The following PLA2G7 variants were observed in gnomAD, a reference collection of about 807,000 sequenced individuals.
PLA2G7 encodes phospholipase A2 group VII, also known as platelet-activating factor acetylhydrolase.
A neutral mutation model predicts 49.6 loss-of-function variants in PLA2G7; 63 were observed. The observed-to-expected ratio is 1.27, with a 90% CI of 1.04 to 1.57. The LOEUF is 1.57. PLA2G7 is among the 40% of genes most tolerant of loss of function. The pLI is 0.00. For synonymous variants in PLA2G7, 193 were observed against 169.9 expected, an observed-to-expected ratio of 1.14 and a Z score of -1.06; for missense variants, 596 against 521.2, an observed-to-expected ratio of 1.14 and a Z score of -1.40.
chr6:46,728,261 A>G (rs375358323), intron 1 of PLA2G7, among the ~76,000 whole-genome samples: 1 of 152,298 alleles, frequency 6.6e-6, no homozygotes, highest in East Asian at 1.9e-4. Context: ...TTTGCCCCCC[A>G]AGAAGACACT....
At chr6:46,733,042 A>T (rs2150716590) in intron 1 of PLA2G7, among the ~76,000 whole-genome samples, 1 of 152,340 alleles carries the variant, frequency 6.6e-6, no homozygotes, top group East Asian at 1.9e-4. Flanking sequence ...CCTTTCCAGG[A>T]AATAGCCATC....
rs140695465 is a variant in PLA2G7 at position 46,710,654 on chromosome 6, C to T, written c.668G>A (p.Arg223Gln). The T allele has an allele frequency of 4.2e-5, 68 of 1,600,440 alleles. No individual in the cohort carries two copies. The highest frequency in any genetic ancestry group is 4.2e-4 in the African/African-American group (31 of 74,594). The change falls in exon 8 of 12, where the codon CGG (arginine) becomes CAG (glutamine). Residue 223 changes from arginine to glutamine, a missense_variant. Transcript: ENST00000274793. ...EETHIRNEQVRQRAKECSQAL... is the reference protein window; with the variant it reads ...EETHIRNEQVQQRAKECSQAL... ...TTGGGAACATTCTTTTGCTCTTTGC[C>T]GTACCTAATATAATTATTAGAAGAA...
intron 10 of PLA2G7, among the ~76,000 whole-genome samples, 198 bp downstream of exon 10, chr6:46,707,793 T>G (rs1283865392): frequency 6.6e-6 from 1 of 152,176 alleles, no homozygotes; most frequent in Non-Finnish European, 1.5e-5. Flanking sequence ...CCAGTATATA[T>G]ACTATATACG....
intron 10 of PLA2G7, among the ~76,000 whole-genome samples, chr6:46,705,630 G>T (rs192040466): frequency 2.0e-5 from 3 of 152,130 alleles, no homozygotes; most frequent in Non-Finnish European, 2.9e-5. Context: ...TGTATTGAAG[G>T]GTCCCTGAAC....
intron 5 of PLA2G7, among the ~76,000 whole-genome samples, chr6:46,713,969 A>G (rs576959400): frequency 1.3e-4 from 20 of 152,198 alleles, no homozygotes; most frequent in Non-Finnish European, 2.4e-4. Context: ...TATTTCTTAG[A>G]ACCATGCTTC....
intron 1 of PLA2G7, among the ~76,000 whole-genome samples, chr6:46,731,608 A>G (rs1582591407): frequency 6.6e-6 from 1 of 152,192 alleles, no homozygotes; most frequent in South Asian, 2.1e-4. Flanking sequence ...CTCCGAACAG[A>G]GAAAGATACT....
Position 46,708,138 on chromosome 6 carries a change from C to T in PLA2G7, c.893G>A (p.Trp298Ter). 5 of 1,612,674 alleles carry T rather than the reference C, an allele frequency of 3.1e-6. No homozygotes were observed. Among genetic ancestry groups the T allele is most frequent in the Non-Finnish European group, 4.2e-6 (5 of 1,178,838 alleles). The change falls in exon 10 of 12, where the codon TGG becomes TAG. Residue 298 changes from tryptophan (W) to a stop codon, truncating the protein, a stop_gained. Coordinates refer to ENST00000274793, the MANE Select transcript of PLA2G7 (RefSeq NM_005084.4). LOFTEE classifies it high-confidence loss of function. Reference protein sequence around the residue: ...RFRCGIALDAWMFPLGDEVYS... With the variant: ...RFRCGIALDA ...TACTTCATCACCCAGTGGAAACATC[C>T]ATGCATCCAGGGCAATACCACATCT...
chr6:46,705,358 T>C, intron 10 of PLA2G7, 57 bp from the exon 11 acceptor site: 1 of 1,417,380 alleles, frequency 7.1e-7, no homozygotes, highest in Non-Finnish European at 9.9e-7. Flanking sequence ...ATTATTTTTT[T>C]AGTTAGAGTG....
At position 46,729,359 on chromosome 6, in the gene PLA2G7, T is replaced by C. The variant is rs182206498; in HGVS notation, c.-35+5821A>G. On this transcript the variant is annotated intron_variant, in intron 1 of 11. Coordinates refer to ENST00000274793, the MANE Select transcript of PLA2G7 (RefSeq NM_005084.4). Reference sequence around the variant, plus strand: ...TCCCTAAAACATCCAAATGCACTAGTGCCCATCCCATAGGCAAGATTAGAA... The same window carrying C: ...TCCCTAAAACATCCAAATGCACTAGCGCCCATCCCATAGGCAAGATTAGAA... Among the ~76,000 whole-genome samples the C allele has an allele frequency of 3.3e-5, 5 of 152,294 alleles. No homozygotes were observed. The East Asian group carries it at 9.7e-4, about 29-fold the overall frequency.
intron 1 of PLA2G7, among the ~76,000 whole-genome samples, chr6:46,730,194 T>TGAAG (rs886339159): frequency 2.0e-5 from 3 of 152,144 alleles, no homozygotes. Flanking sequence ...GAGGAGCTGT[T>TGAAG]GAAGGAATGA....
chr6:46,721,148 C>A (rs1409301075), intron 2 of PLA2G7, among the ~76,000 whole-genome samples: 4 of 152,152 alleles, frequency 2.6e-5, no homozygotes, highest in African/African-American at 9.7e-5. Context: ...TCAAGCAATT[C>A]TCCTGCCTCA....
intron 2 of PLA2G7, among the ~76,000 whole-genome samples, chr6:46,717,555 C>T (rs1358385864): frequency 1.3e-5 from 2 of 151,910 alleles, no homozygotes; most frequent in African/African-American, 4.8e-5. Flanking sequence ...CATCTTTCAA[C>T]TCTCCCTTCT....
At chr6:46,717,137 C>A in intron 2 of PLA2G7, 41 bp from the exon 3 acceptor site, 2 of 1,571,664 alleles carry the variant, frequency 1.3e-6, no homozygotes, top group Non-Finnish European at 1.8e-6. Flanking sequence ...TCATCCATTA[C>A]ATATCAGATT....
intron 2 of PLA2G7, among the ~76,000 whole-genome samples, chr6:46,718,296 T>G (rs1313299110): frequency 6.6e-6 from 1 of 152,226 alleles, no homozygotes; most frequent in African/African-American, 2.4e-5. Flanking sequence ...AGGAATGTAT[T>G]GTAATCTTTT....
At chr6:46,733,161 G>T (rs1765787195) in intron 1 of PLA2G7, among the ~76,000 whole-genome samples, 2 of 152,188 alleles carry the variant, frequency 1.3e-5, no homozygotes, top group Admixed American at 1.3e-4. Context: ...TTAATGTTCT[G>T]TGCTGACAGA....
At chr6:46,705,002 T>G (rs2150689341) in intron 11 of PLA2G7, 151 bp downstream of exon 11, 2 of 665,916 alleles carry the variant, frequency 3.0e-6, no homozygotes, top group Non-Finnish European at 5.2e-6. Flanking sequence ...CAAAATTGAC[T>G]TTCTCAAATT....
chr6:46,711,204 AATTT>A (rs1361028260), intron 7 of PLA2G7, among the ~76,000 whole-genome samples: 1 of 152,158 alleles, frequency 6.6e-6, no homozygotes, highest in African/African-American at 2.4e-5. Flanking sequence ...AGAATCTATT[AATTT>A]ATTTTCTAGC....
rs539860432 is a variant in PLA2G7, at chr6:46,727,683, CAA to C, written c.-34-4760_-34-4759del. On this transcript the variant is annotated intron_variant, in intron 1 of 11. Coordinates refer to ENST00000274793, the MANE Select transcript of PLA2G7 (RefSeq NM_005084.4). ...TGGATTATCTGACCCAATGTAATCA[CAA>C]GAGTCCTTAAAAGTATAAGAGGATG... 7.1e-3 allele frequency among the ~76,000 whole-genome samples: 1,081 copies of C among 152,300 alleles called. 5 individuals are homozygous for C. Among genetic ancestry groups the C allele is most frequent in the Non-Finnish European group, 0.012 (808 of 68,028 alleles).
chr6:46,735,168 GC>G lies in PLA2G7; in HGVS notation c.-35+11del. ...CTCCCACTCCCGCCTCGCCCCCGGG[GC>G]CCCTCCTCACTCAGGCGCGGCGCGG... On this transcript the variant is annotated intron_variant, in intron 1 of 11. Coordinates refer to ENST00000274793, the MANE Select transcript of PLA2G7 (RefSeq NM_005084.4). 6.6e-6 allele frequency: 1 copy of G among 151,912 alleles called. No homozygotes were observed. Among genetic ancestry groups the G allele is most frequent in the Non-Finnish European group, 1.5e-5 (1 of 67,976 alleles). The allele number at this position is 151,912 out of a possible 1,614,324, so 9.4% of individuals were successfully genotyped here.
Sources: gnomAD v4.1 joint callset for allele counts (sites outside exome capture counted in the v4.1 genomes callset) on GRCh38, gnomAD v4.1.1 for gene constraint, MANE v1.5 for transcripts, NCBI Gene and HGNC (gene_info 2026-07-23, HGNC 2026-07-21) for gene names.